HIVEP3: variants seen among roughly 807,000 people sequenced by gnomAD.
HIVEP3 encodes transcription factor HIVEP3.
Under a neutral mutation model 152.8 loss-of-function variants are expected in HIVEP3, and 49 were observed. The ratio of observed to expected loss-of-function variants is 0.32; its 90% CI spans 0.26 to 0.41. The LOEUF is 0.41. HIVEP3 is among the 10% of genes least tolerant of loss of function. The pLI is 1.00. For missense variants in HIVEP3, 2,790 were observed against 3,103.3 expected (o/e 0.90, Z 2.40); for synonymous variants, 1,269 against 1,289.0 (o/e 0.98, Z 0.33).
chr1:41,926,737 G>A (rs1039504486), intron 1 of HIVEP3, among the ~76,000 whole-genome samples: 3 of 152,172 alleles, frequency 2.0e-5, no homozygotes, highest in East Asian at 3.8e-4. Flanking sequence ...TGTGAACAAA[G>A]AAAGGAATAT....
In HIVEP3 at chr1:41,581,768, G is replaced by A. The variant is rs779995021; in HGVS notation, c.3030C>T (p.Ser1010=). Residue 1010 remains serine (S), a synonymous_variant, in exon 4 of 9, where the codon AGC becomes AGT. Coordinates refer to ENST00000372583, the MANE Select transcript of HIVEP3 (RefSeq NM_024503.5). The surrounding 1 kb of genome is among the most constrained non-coding windows in gnomAD (Gnocchi z 4.5). The part of the protein sequence containing the change: ...SHSAHMTETR[S]KSFDYGSLSL... ...ACAAGCTGCCATAGTCAAAGGATTT[G>A]CTGCGTGTCTCGGTCATGTGGGCAG... The A allele has an allele frequency of 6.3e-6, 10 of 1,595,906 alleles. No individual in the cohort carries two copies. In the East Asian group the frequency reaches 2.2e-4, roughly 36 times the overall value.
Position 41,511,542 on chromosome 1 carries a change from G to A in HIVEP3, c.6406-276C>T, listed in dbSNP as rs1644456067. On this transcript the variant is annotated intron_variant, in intron 8 of 8. Transcript: ENST00000372583. The surrounding 1 kb of genome is among the most constrained non-coding windows in gnomAD (Gnocchi z 4.9). Reference sequence around the variant, plus strand: ...CTAGCCAGCATATCTGTCTTCAAAGGAGGGGATACTTGAGCGACGTGGGGC... The same window carrying A: ...CTAGCCAGCATATCTGTCTTCAAAGAAGGGGATACTTGAGCGACGTGGGGC... Among the ~76,000 whole-genome samples, 1 of 152,148 alleles carries A rather than the reference G, an allele frequency of 6.6e-6. No homozygotes were observed. Among genetic ancestry groups the A allele is most frequent in the African/African-American group, 2.4e-5 (1 of 41,428 alleles).
chr1:41,555,398 T>C (rs1643950380), intron 5 of HIVEP3, among the ~76,000 whole-genome samples: 1 of 152,230 alleles, frequency 6.6e-6, no homozygotes, highest in Non-Finnish European at 1.5e-5. Flanking sequence ...ACGTACAGTC[T>C]GTCATGGCTT....
intron 3 of HIVEP3, among the ~76,000 whole-genome samples, chr1:41,620,292 G>A (rs919402168): frequency 1.3e-5 from 2 of 152,298 alleles, no homozygotes; most frequent in East Asian, 1.9e-4. Context: ...ATTTTTTCTC[G>A]TGATTTCAGT....
In HIVEP3 at chr1:41,518,817, G is replaced by GTTTT. The variant is rs35277923; in HGVS notation, c.5384-333_5384-330dup. 5.6e-4 allele frequency among the ~76,000 whole-genome samples: 76 copies of GTTTT among 134,700 alleles called. 1 individual carries two copies. The highest frequency in any genetic ancestry group is 9.6e-4 in the African/African-American group (35 of 36,486). The allele number at this position is 134,700 out of a possible 152,430, so 88.4% of individuals were successfully genotyped here. On this transcript the variant is annotated intron_variant, in intron 6 of 8. Transcript: ENST00000372583. Reference sequence around the variant, plus strand: ...TTAAAAGACAACTCAAGTGCAATAGGTTTTTTTTTTTTTTTTTGCTTCTGA... The same window carrying GTTTT: ...TTAAAAGACAACTCAAGTGCAATAGGTTTTTTTTTTTTTTTTTTTTTGCTTCTGA...
intron 1 of HIVEP3, among the ~76,000 whole-genome samples, chr1:41,779,087 T>C (rs1407471680): frequency 6.6e-6 from 1 of 152,228 alleles, no homozygotes; most frequent in Non-Finnish European, 1.5e-5. Context: ...GGCCTGGGCC[T>C]CAGCTTGCTG....
chr1:41,726,490 A>G (rs1646754469), intron 1 of HIVEP3, among the ~76,000 whole-genome samples: 1 of 152,228 alleles, frequency 6.6e-6, no homozygotes, highest in Non-Finnish European at 1.5e-5. Flanking sequence ...GCTCATGTTA[A>G]GTCCCACAGT....
At position 41,580,660 on chromosome 1, in the gene HIVEP3, G is replaced by A. The variant is rs149815401; in HGVS notation, c.4138C>T (p.Pro1380Ser). ...CTTTGCTCTTCACTTAACCCAGAAG[G>A]GCCGGGCCCAACCTCATGCACATCT... Reference protein sequence around the residue: ...GADVHEVGPGPSGLSEEQSRA... With the variant: ...GADVHEVGPGSSGLSEEQSRA... Residue 1380 changes from proline to serine, a missense_variant, in exon 4 of 9, where the codon CCT becomes TCT. Coordinates refer to ENST00000372583, the MANE Select transcript of HIVEP3 (RefSeq NM_024503.5). 1.2e-6 allele frequency: 2 copies of A among 1,613,904 alleles called. No individual in the cohort carries two copies. The highest frequency in any genetic ancestry group is 3.3e-5 in the Admixed American group (2 of 60,024).
intron 1 of HIVEP3, among the ~76,000 whole-genome samples, chr1:41,980,720 G>A (rs1036057584): frequency 6.6e-6 from 1 of 152,210 alleles, no homozygotes; most frequent in Non-Finnish European, 1.5e-5. Flanking sequence ...TTAAAATGGG[G>A]AAAGGGTGTG....
chr1:41,585,207 C>A lies in HIVEP3; in HGVS notation c.-410G>T. 2 of 397,600 alleles carry A rather than the reference C, an allele frequency of 5.0e-6. No homozygotes were observed. The highest frequency in any genetic ancestry group is 2.6e-4 in the South Asian group (2 of 7,794). The allele number at this position is 397,600 out of a possible 1,614,324, so 24.6% of individuals were successfully genotyped here. A position where few individuals can be genotyped will look rare whatever the true frequency, so the allele number is the denominator to read the frequency against. On this transcript the variant is annotated 5_prime_UTR_variant, in exon 4 of 9. An upstream start codon of the reference 5' UTR is lost. Transcript: ENST00000372583. The stretch of plus-strand genomic sequence containing the variant: ...GAGACATCTGTGTCCATGGCCCAGT[C>A]ATCCCTGGTCCTGGCACAAGAGATG...
At chr1:41,750,699 T>G (rs1250029736) in intron 1 of HIVEP3, among the ~76,000 whole-genome samples, 1 of 101,292 alleles carries the variant, frequency 9.9e-6, no homozygotes, top group Non-Finnish European at 2.2e-5. Context: ...CCAAGCCCAG[T>G]GCACTTTTTT....
At chr1:41,957,492 T>C (rs1209686356) in intron 1 of HIVEP3, among the ~76,000 whole-genome samples, 1 of 152,158 alleles carries the variant, frequency 6.6e-6, no homozygotes, top group East Asian at 1.9e-4. Context: ...GCAAGAAAAT[T>C]AACCTTTCTG....
Position 41,581,268 on chromosome 1 carries a change from G to C in HIVEP3, c.3530C>G (p.Ser1177Cys), listed in dbSNP as rs551978272. ...TAAGGAGGGAGGAAGTGGGGGCATG[G>C]AGTATGGTGAGGACAGGAGGCTGGA... The part of the protein sequence containing the change: ...AMSSLLSSPY[S>C]MPPLPPSLFQ... The change falls in exon 4 of 9, where the codon TCC becomes TGC. Residue 1177 changes from serine to cysteine, a missense_variant. Transcript: ENST00000372583. The surrounding 1 kb of genome is among the most constrained non-coding windows in gnomAD (Gnocchi z 4.5). 11 of 1,603,976 alleles carry C rather than the reference G, an allele frequency of 6.9e-6. No homozygotes were observed. The highest frequency in any genetic ancestry group is 9.4e-6 in the Non-Finnish European group (11 of 1,175,528).
chr1:41,575,701 C>A lies in HIVEP3; in HGVS notation c.5062-12G>T. 2 of 1,613,038 alleles carry A rather than the reference C, an allele frequency of 1.2e-6. No homozygotes were observed. Among genetic ancestry groups the A allele is most frequent in the Non-Finnish European group, 1.7e-6 (2 of 1,179,356 alleles). On this transcript the variant is annotated splice_polypyrimidine_tract_variant and intron_variant, in intron 4 of 8. Transcript: ENST00000372583. ...GAAGGGAGGTGAACCTGGCCCACCGCAGGAATGACAAAATCATTGCTGGTT... is the reference window on the plus strand; with the variant it reads ...GAAGGGAGGTGAACCTGGCCCACCGAAGGAATGACAAAATCATTGCTGGTT...
chr1:41,598,170 T>C (rs974784309), intron 3 of HIVEP3, among the ~76,000 whole-genome samples: 3 of 152,230 alleles, frequency 2.0e-5, no homozygotes, highest in Non-Finnish European at 4.4e-5. Flanking sequence ...GCTTGTCTTC[T>C]GGCCATTTGT....
rs1196647731 is a variant in HIVEP3 at position 41,584,286 on chromosome 1, A to T, written c.512T>A (p.Val171Asp). The change falls in exon 4 of 9, where the codon GTC becomes GAC. Residue 171 changes from valine (V) to aspartate (D), a missense_variant. This residue lies in a region of HIVEP3 where 209 missense variants were observed against 237.0 expected (regional missense o/e 0.88). Coordinates refer to ENST00000372583, the MANE Select transcript of HIVEP3 (RefSeq NM_024503.5). The surrounding 1 kb of genome is among the most constrained non-coding windows in gnomAD (Gnocchi z 5.2). ...PKVFVPRPSQVSLKPTEEAHK... is the reference protein window; with the variant it reads ...PKVFVPRPSQDSLKPTEEAHK... ...TGCCTCTTCTGTGGGCTTCAAGGAG[A>T]CCTGGGAAGGACGAGGCACGAAGAC... 5 of 1,613,358 alleles carry T rather than the reference A, an allele frequency of 3.1e-6. No homozygotes were observed. The highest frequency in any genetic ancestry group is 4.2e-6 in the Non-Finnish European group (5 of 1,179,736).
At chr1:41,644,101 G>T (rs552641309) in intron 2 of HIVEP3, among the ~76,000 whole-genome samples, 1 of 151,960 alleles carries the variant, frequency 6.6e-6, no homozygotes, top group South Asian at 2.1e-4. Flanking sequence ...GCCCAGGCTG[G>T]TCTCAAACTC....
chr1:41,748,998 G>A (rs984797649), intron 1 of HIVEP3, among the ~76,000 whole-genome samples: 4 of 152,168 alleles, frequency 2.6e-5, no homozygotes, highest in African/African-American at 9.7e-5. Context: ...AATGAGGGCT[G>A]CTTGCTGCCC....
At chr1:41,961,230 A>G (rs1645167904) in intron 1 of HIVEP3, among the ~76,000 whole-genome samples, 1 of 152,222 alleles carries the variant, frequency 6.6e-6, no homozygotes, top group Admixed American at 6.5e-5. Flanking sequence ...GCTCCCTGCA[A>G]TGCCAGCTCC....
Sources: gnomAD v4.1 joint callset for allele counts (sites outside exome capture counted in the v4.1 genomes callset) on GRCh38, gnomAD v4.1.1 for gene constraint, gnomAD v4.1.1 regional missense constraint, Gnocchi (gnomAD v3.1) non-coding constraint, MANE v1.5 for transcripts, NCBI Gene and HGNC (gene_info 2026-07-23, HGNC 2026-07-21) for gene names.